C1GALT1: variants seen among roughly 807,000 people sequenced by gnomAD.
C1GALT1 encodes core 1 synthase, glycoprotein-N-acetylgalactosamine 3-beta-galactosyltransferase 1.
Under a neutral mutation model 31.0 loss-of-function variants are expected in C1GALT1, and 11 were observed. The ratio of observed to expected loss-of-function variants is 0.36; its 90% CI spans 0.22 to 0.59. The LOEUF is 0.59. Ranked by LOEUF, C1GALT1 falls within the 20% of genes least tolerant of loss-of-function variation. The pLI is 0.79. For missense variants in C1GALT1, 424 were observed against 425.2 expected, an observed-to-expected ratio of 1.00 and a Z score of 0.03; for synonymous variants, 175 against 143.6, an observed-to-expected ratio of 1.22 and a Z score of -1.56.
At chr7:7,189,738 A>T (rs56353234) in intron 1 of C1GALT1, among the ~76,000 whole-genome samples, 1 of 152,148 alleles carries the variant, frequency 6.6e-6, no homozygotes, top group Non-Finnish European at 1.5e-5. Flanking sequence ...ACAGCTTCTG[A>T]GTGTGGGAGA....
At chr7:7,235,758 C>T (rs1043924173) in intron 2 of C1GALT1, among the ~76,000 whole-genome samples, 1 of 152,190 alleles carries the variant, frequency 6.6e-6, no homozygotes, top group African/African-American at 2.4e-5. Context: ...TCTTCCTCCT[C>T]TATTCTTTCT....
intron 2 of C1GALT1, among the ~76,000 whole-genome samples, chr7:7,171,932 CAGG>C (rs1176695025): frequency 1.3e-5 from 2 of 152,094 alleles, no homozygotes; most frequent in African/African-American, 4.8e-5. Context: ...GTGTCCCCAA[CAGG>C]AGATTTATTA....
intron 2 of C1GALT1, among the ~76,000 whole-genome samples, chr7:7,167,157 T>G (rs907689292): frequency 1.3e-5 from 2 of 152,192 alleles, no homozygotes; most frequent in African/African-American, 4.8e-5. Flanking sequence ...TTACCTATAC[T>G]CCTTCAGATT....
At chr7:7,233,791 C>G (rs1256818700) in intron 1 of C1GALT1, among the ~76,000 whole-genome samples, 1 of 152,144 alleles carries the variant, frequency 6.6e-6, no homozygotes, top group Admixed American at 6.5e-5. Context: ...CCTCCACAAG[C>G]TACAAGTGTT....
intron 1 of C1GALT1, among the ~76,000 whole-genome samples, chr7:7,189,981 A>G (rs1780988532): frequency 2.0e-5 from 3 of 152,036 alleles, no homozygotes; most frequent in Non-Finnish European, 2.9e-5. Flanking sequence ...AAATTTCCAC[A>G]TGAATTTTTG....
chr7:7,186,693 C>T (rs1362488740), intron 1 of C1GALT1, among the ~76,000 whole-genome samples: 1 of 152,122 alleles, frequency 6.6e-6, no homozygotes, highest in African/African-American at 2.4e-5. Flanking sequence ...GGAGAGTGAG[C>T]CATATGAGCA....
At chr7:7,217,826 A>G (rs550565024) in intron 1 of C1GALT1, among the ~76,000 whole-genome samples, 20 of 152,234 alleles carry the variant, frequency 1.3e-4, no homozygotes, top group African/African-American at 3.4e-4. Flanking sequence ...ATGAGCCACT[A>G]TGCCTGGCCC....
Position 7,201,031 on chromosome 7 carries a change from G to A in C1GALT1, c.-18+18211G>A, listed in dbSNP as rs569900819. On this transcript the variant is annotated intron_variant, in intron 1 of 3. Transcript: ENST00000436587. ...TCAAAGTCATTCTCCGTCCAGCTTT[G>A]TTCTGTTGCTGGCGAGGAGCTGCGT... is the stretch of plus-strand genomic sequence containing the variant. Among the ~76,000 whole-genome samples the A allele has an allele frequency of 2.6e-3, 394 of 152,346 alleles. 1 individual carries two copies. Among genetic ancestry groups the A allele is most frequent in the African/African-American group, 9.2e-3 (383 of 41,588 alleles).
chr7:7,216,107 A>G (rs1782227815), intron 1 of C1GALT1, among the ~76,000 whole-genome samples: 1 of 152,152 alleles, frequency 6.6e-6, no homozygotes, highest in Non-Finnish European at 1.5e-5. Flanking sequence ...GCAAAAGAAA[A>G]TGAGTTGCTT....
intron 1 of C1GALT1, among the ~76,000 whole-genome samples, chr7:7,201,074 G>A (rs1436782888): frequency 6.6e-6 from 1 of 152,214 alleles, no homozygotes; most frequent in African/African-American, 2.4e-5. Context: ...GAGGAGAAGA[G>A]GCGCTCTGAT....
intron 1 of C1GALT1, among the ~76,000 whole-genome samples, chr7:7,203,595 T>C (rs1781609406): frequency 6.6e-6 from 1 of 152,134 alleles, no homozygotes; most frequent in South Asian, 2.1e-4. Flanking sequence ...TGAATTCAGT[T>C]TGCTAGTATT....
At chr7:7,196,267 C>T (rs57539236) in intron 1 of C1GALT1, among the ~76,000 whole-genome samples, 23,231 of 149,258 alleles carry the variant, frequency 0.16, 2,091 homozygotes, top group East Asian at 0.36. Flanking sequence ...CCTGTGTCCA[C>T]GTGTTCTCAT....
rs1241320949 is a variant in C1GALT1 at position 7,243,564 on chromosome 7, A to G, written c.929A>G (p.Tyr310Cys). ...TCTGATCTTGCAGTTTCTTTTCACT[A>G]TGTTGATTCTACAACCATGTATGAG... ...CCSDLAVSFH[Y>C]VDSTTMYELE... Residue 310 changes from tyrosine (Y) to cysteine (C), a missense_variant, in exon 4 of 4, where the codon TAT becomes TGT. Physicochemically the swap from Tyr to Cys is radical, Grantham distance 194. Transcript: ENST00000436587. 5 of 1,610,084 alleles carry G rather than the reference A, an allele frequency of 3.1e-6. No homozygotes were observed. The highest frequency in any genetic ancestry group is 4.2e-6 in the Non-Finnish European group (5 of 1,178,838).
At chr7:7,184,957 G>C (rs553374054) in intron 1 of C1GALT1, among the ~76,000 whole-genome samples, 1 of 152,330 alleles carries the variant, frequency 6.6e-6, no homozygotes, top group African/African-American at 2.4e-5. Flanking sequence ...TCCATAAAAT[G>C]AGAAGTTAGC....
rs1269512296 is a variant in C1GALT1 at position 7,245,409 on chromosome 7, C to G, written c.*1682C>G. 1 of 152,256 alleles carries G rather than the reference C, an allele frequency of 6.6e-6. No homozygotes were observed. The highest frequency in any genetic ancestry group is 2.4e-5 in the African/African-American group (1 of 41,462). 9.4% of individuals were successfully genotyped at this position (152,256 alleles called of 1,614,324 possible). On this transcript the variant is annotated 3_prime_UTR_variant, in exon 4 of 4. Transcript: ENST00000436587. ...GCCAGGCTGGTCTTGAACTCCTGAC[C>G]TCAGGTGATCCACCCACCTTGGCAT... is the stretch of plus-strand genomic sequence containing the variant.
chr7:7,221,227 T>C (rs1247493354), intron 1 of C1GALT1, among the ~76,000 whole-genome samples: 1 of 152,208 alleles, frequency 6.6e-6, no homozygotes, highest in Non-Finnish European at 1.5e-5. Context: ...TTTCTTGTCT[T>C]TTAACTTTGC....
intron 1 of C1GALT1, among the ~76,000 whole-genome samples, chr7:7,224,604 A>G (rs1381960283): frequency 6.6e-6 from 1 of 152,084 alleles, no homozygotes; most frequent in Non-Finnish European, 1.5e-5. Flanking sequence ...ATTTCATCTA[A>G]CTTGTCAAAT....
At chr7:7,173,807 A>T (rs758819436) in intron 2 of C1GALT1, among the ~76,000 whole-genome samples, 4 of 152,148 alleles carry the variant, frequency 2.6e-5, no homozygotes, top group Non-Finnish European at 5.9e-5. Context: ...GGAGGCTGAG[A>T]CAGGAGGATC....
At chr7:7,160,718 C>A (rs994427115) in intron 2 of C1GALT1, among the ~76,000 whole-genome samples, 1 of 151,902 alleles carries the variant, frequency 6.6e-6, no homozygotes, top group African/African-American at 2.4e-5. Flanking sequence ...AAATAGAGGG[C>A]GTGTGTCGAA....
Sources: allele counts gnomAD v4.1 joint callset (sites outside exome capture counted in the v4.1 genomes callset), GRCh38; gene constraint gnomAD v4.1.1; transcripts MANE v1.5; gene names NCBI Gene and HGNC (gene_info 2026-07-23, HGNC 2026-07-21).